The following GPR179 variants were observed in gnomAD, a reference collection of about 807,000 sequenced individuals.
GPR179 encodes probable G protein-coupled receptor 179.
GPR179 carries 52 observed loss-of-function variants against 70.8 expected under a neutral mutation model. The observed-to-expected ratio is 0.73, with a 90% CI of 0.59 to 0.93. The LOEUF (loss-of-function observed/expected upper bound fraction) is 0.93. GPR179 is among the 40% of genes least tolerant of loss of function. The probability of loss-of-function intolerance (pLI) is 0.00; values close to 1 mark genes in which losing one functional copy is unlikely to be tolerated. For synonymous variants in GPR179, 1,123 were observed against 1,169.0 expected (o/e 0.96, Z 0.80); for missense variants, 2,734 against 2,966.8 (o/e 0.92, Z 1.82).
Position 38,327,676 on chromosome 17 carries a change from G to A in GPR179, c.5893C>T (p.Pro1965Ser). 2 of 1,614,194 alleles carry A rather than the reference G, an allele frequency of 1.2e-6. No individual in the cohort carries two copies. The highest frequency in any genetic ancestry group is 1.7e-6 in the Non-Finnish European group (2 of 1,180,028). The change falls in exon 11 of 11, where the codon CCA becomes TCA. Residue 1965 changes from proline (P) to serine (S), a missense_variant. By Grantham distance (74) the Pro-to-Ser change is moderately conservative. Coordinates refer to ENST00000616987, the MANE Select transcript of GPR179 (RefSeq NM_001004334.4). Reference sequence around the variant, plus strand: ...TCTAGGTGAGAGACGGAATCTGCTGGGGCAGTGGTCTCCCATGGACAGACG... The same window carrying A: ...TCTAGGTGAGAGACGGAATCTGCTGAGGCAGTGGTCTCCCATGGACAGACG... The part of the protein sequence containing the change: ...QSVCPWETTA[P>S]ADSVSHLDRQ...
chr17:38,342,846 G>GTTT, intron 1 of GPR179, 150 bp downstream of exon 1: 1 of 736,906 alleles, frequency 1.4e-6, no homozygotes, highest in East Asian at 2.5e-5. Context: ...CCGACTGTAA[G>GTTT]TACACACAGC....
Position 38,342,503 on chromosome 17 carries a change from C to A in GPR179, c.794+493G>T, listed in dbSNP as rs540963612. 1.4e-4 allele frequency among the ~76,000 whole-genome samples: 21 copies of A among 152,230 alleles called. No individual in the cohort carries two copies. The South Asian group carries it at 2.5e-3, about 18-fold the overall frequency. ...TACAGGTACTCGCTACCACACCCAG[C>A]TAATTTTGTATTTTTAGTAGAGATG... On this transcript the variant is annotated intron_variant, in intron 1 of 10. Coordinates refer to ENST00000616987, the MANE Select transcript of GPR179 (RefSeq NM_001004334.4).
At position 38,337,224 on chromosome 17, in the gene GPR179, C is replaced by A. The variant is rs1389628044; in HGVS notation, c.992-11G>T. On this transcript the variant is annotated splice_polypyrimidine_tract_variant and intron_variant, in intron 3 of 10. Transcript: ENST00000616987. ...CACTCTCCTCTAACCCTATAAAGAA[C>A]AAGATGAGTGCAGGGAGAGGGGCCC... 6.2e-7 allele frequency: 1 copy of A among 1,601,586 alleles called. No homozygotes were observed. The highest frequency in any genetic ancestry group is 8.5e-7 in the Non-Finnish European group (1 of 1,174,198).
rs6503540 is a variant in GPR179, at chr17:38,339,213, T to G, written c.903+204A>C. On this transcript the variant is annotated intron_variant, in intron 2 of 10. Coordinates refer to ENST00000616987, the MANE Select transcript of GPR179 (RefSeq NM_001004334.4). ...GGAATGAGGGCAGGAGCAGGAGGAA[T>G]AGGGGGTGGGGGGGCAGGCTGTAGG... 185,117 of 519,984 alleles carry G rather than the reference T, an allele frequency of 0.36. 36,044 individuals carry two copies. Among genetic ancestry groups the G allele is most frequent in the East Asian group, 0.61 (18,183 of 30,038 alleles). The allele number at this position is 519,984 out of a possible 1,614,324, so 32.2% of individuals were successfully genotyped here.
intron 2 of GPR179, among the ~76,000 whole-genome samples, chr17:38,338,129 A>C (rs140827780): frequency 6.6e-6 from 1 of 152,318 alleles, no homozygotes; most frequent in African/African-American, 2.4e-5. Context: ...ATCAGCTTCC[A>C]TCTTTGGCAC....
Position 38,330,660 on chromosome 17 carries a change from G to T in GPR179, c.2909C>A (p.Pro970Gln). 2 of 1,597,998 alleles carry T rather than the reference G, an allele frequency of 1.3e-6. No homozygotes were observed. Among genetic ancestry groups the T allele is most frequent in the Non-Finnish European group, 1.7e-6 (2 of 1,170,980 alleles). Residue 970 changes from proline to glutamine, a missense_variant, in exon 11 of 11, where the codon CCA (proline) becomes CAA (glutamine). Coordinates refer to ENST00000616987, the MANE Select transcript of GPR179 (RefSeq NM_001004334.4). ...LAPALLPALAPTPAPALAPVP... is the reference protein window; with the variant it reads ...LAPALLPALAQTPAPALAPVP... ...TGGTGCCAGGGCAGGGGCTGGGGTT[G>T]GAGCTAGAGCTGGCAGCAGAGCTGG...
At chr17:38,332,490 G>A (rs752912647) in intron 10 of GPR179, among the ~76,000 whole-genome samples, 1 of 152,126 alleles carries the variant, frequency 6.6e-6, no homozygotes, top group Non-Finnish European at 1.5e-5. Flanking sequence ...GACCTGCCAG[G>A]TCCAGGGAAA....
At position 38,330,339 on chromosome 17, in the gene GPR179, G is replaced by A. The variant is rs766356769; in HGVS notation, c.3230C>T (p.Ala1077Val). 5.6e-6 allele frequency: 9 copies of A among 1,613,906 alleles called. No homozygotes were observed. The African/African-American group carries it at 9.3e-5, about 17-fold the overall frequency. ...KIFPKSHSLK[A>V]PVQQGSMRSL... is the part of the protein sequence containing the mutation. Reference sequence around the variant, plus strand: ...GCGCATGGAACCCTGCTGAACAGGGGCCTTGAGGCTGTGGGATTTAGGGAA... The same window carrying A: ...GCGCATGGAACCCTGCTGAACAGGGACCTTGAGGCTGTGGGATTTAGGGAA... Residue 1077 changes from alanine to valine, a missense_variant, in exon 11 of 11, where the codon GCC becomes GTC. Coordinates refer to ENST00000616987, the MANE Select transcript of GPR179 (RefSeq NM_001004334.4).
In GPR179 at chr17:38,334,110, C is replaced by T. The variant is rs779459722; in HGVS notation, c.1785-72G>A. ...CTCTTCTGCTTTGCCTTCTCACTGG[C>T]GTTTCACCTCAGCCCCAACCCTGAT... On this transcript the variant is annotated intron_variant, in intron 8 of 10. Coordinates refer to ENST00000616987, the MANE Select transcript of GPR179 (RefSeq NM_001004334.4). The surrounding 1 kb of genome is among the most constrained non-coding windows in gnomAD (Gnocchi z 4.7). 26 of 1,053,418 alleles carry T rather than the reference C, an allele frequency of 2.5e-5. No individual in the cohort carries two copies. Among genetic ancestry groups the T allele is most frequent in the South Asian group, 7.6e-5 (6 of 78,992 alleles). 65.3% of individuals were successfully genotyped at this position (1,053,418 alleles called of 1,614,324 possible). A position where few individuals can be genotyped will look rare whatever the true frequency, so the allele number is the denominator to read the frequency against.
chr17:38,337,065 C>T lies in GPR179; in HGVS notation c.1140G>A (p.Leu380=), dbSNP rs201053760. ...TPCLVEEAAV[L]RAAVLACQAC... ...CCTGGCAGGCCAGCACAGCGGCCCG[C>T]AGCACCGCGGCCTCTTCCACCAGGC... Residue 380 remains leucine, a synonymous_variant, in exon 4 of 11, where the codon CTG becomes CTA. Transcript: ENST00000616987. The T allele has an allele frequency of 1.9e-4, 307 of 1,608,712 alleles. 1 individual carries two copies. Among genetic ancestry groups the T allele is most frequent in the Middle Eastern group, 1.2e-3 (7 of 5,994 alleles).
chr17:38,342,422 C>T (rs1456333901), intron 1 of GPR179, among the ~76,000 whole-genome samples: 1 of 151,948 alleles, frequency 6.6e-6, no homozygotes, highest in Non-Finnish European at 1.5e-5. Context: ...CAACGTCTGC[C>T]TCTGGGGTTC....
In GPR179 at chr17:38,327,324, C is replaced by G; in HGVS notation, c.6245G>C (p.Gly2082Ala). 1 of 1,614,202 alleles carries G rather than the reference C, an allele frequency of 6.2e-7. No homozygotes were observed. Among genetic ancestry groups the G allele is most frequent in the Non-Finnish European group, 8.5e-7 (1 of 1,180,030 alleles). Residue 2082 changes from glycine (G) to alanine (A), a missense_variant, in exon 11 of 11, where the codon GGC becomes GCC. By Grantham distance (60) the Gly-to-Ala change is moderately conservative. Transcript: ENST00000616987. The stretch of plus-strand genomic sequence containing the variant: ...GGCTGGCTGTGGGGACAGACCCTTG[C>G]CATCTTGACTCTCCCAGGGACACAC... Reference protein sequence around the residue: ...EAVCPWESQDGKGLSPQPAPD... With the variant: ...EAVCPWESQDAKGLSPQPAPD...
Position 38,330,179 on chromosome 17 carries a change from G to C in GPR179, c.3390C>G (p.Pro1130=), listed in dbSNP as rs1370940641. 6.4e-7 allele frequency: 1 copy of C among 1,571,142 alleles called. No individual in the cohort carries two copies. The change falls in exon 11 of 11, where the codon CCC becomes CCG. Residue 1130 remains proline, a synonymous_variant. Coordinates refer to ENST00000616987, the MANE Select transcript of GPR179 (RefSeq NM_001004334.4). The stretch of plus-strand genomic sequence containing the variant: ...TCACCGCCTTGGGCCGGCCTAGCCT[G>C]GGCGATCGGGAGGGTGCCCCCATAC... The part of the protein sequence containing the change: ...GESMGAPSRS[P]RLGRPKAVSK...
chr17:38,337,324 G>A (rs2037414487), intron 3 of GPR179, 111 bp from the exon 4 acceptor site: 1 of 1,385,936 alleles, frequency 7.2e-7, no homozygotes, highest in East Asian at 2.5e-5. Flanking sequence ...CTGTGATCTG[G>A]GGCTCCAGGG....
At chr17:38,337,567 C>G (rs2037416111) in intron 3 of GPR179, 66 bp downstream of exon 3, 5 of 1,392,684 alleles carry the variant, frequency 3.6e-6, no homozygotes, top group Non-Finnish European at 5.0e-6. Context: ...CTTTCTTCCC[C>G]AGATGTACCC....
Position 38,334,639 on chromosome 17 carries a change from A to T in GPR179, c.1784+65T>A. ...GGATGGCATGGGATGGGGGCACCTC[A>T]CCTGGGAGAGGTGAGGAGTACTGTT... On this transcript the variant is annotated intron_variant, in intron 8 of 10. Transcript: ENST00000616987. The surrounding 1 kb of genome is among the most constrained non-coding windows in gnomAD (Gnocchi z 4.7). The T allele has an allele frequency of 6.3e-7, 1 of 1,577,200 alleles. No homozygotes were observed.
At chr17:38,340,928 CACAA>C (rs138912325) in intron 1 of GPR179, among the ~76,000 whole-genome samples, 5,024 of 152,190 alleles carry the variant, frequency 0.033, 245 homozygotes, top group African/African-American at 0.11. Flanking sequence ...AAAACAAACA[CACAA>C]ACAAACAAAC....
In GPR179 at chr17:38,336,989, G is replaced by T; in HGVS notation, c.1216C>A (p.Arg406Ser). The part of the protein sequence containing the change: ...FLSMLVSYRC[R>S]RNKRIWASGV... ...GGGGCCTTCCTTGCCTTGTTCCGGC[G>T]GCAGCGGTAGGAGACCAGCATGCTC... The change falls in exon 4 of 11, where the codon CGC becomes AGC. Residue 406 changes from arginine (R) to serine (S), a missense_variant. Coordinates refer to ENST00000616987, the MANE Select transcript of GPR179 (RefSeq NM_001004334.4). The T allele has an allele frequency of 6.3e-7, 1 of 1,597,784 alleles. No homozygotes were observed. Among genetic ancestry groups the T allele is most frequent in the Admixed American group, 1.7e-5 (1 of 57,638 alleles).
chr17:38,332,970 G>A (rs965990597), intron 10 of GPR179, among the ~76,000 whole-genome samples: 2 of 152,234 alleles, frequency 1.3e-5, no homozygotes, highest in Non-Finnish European at 2.9e-5. Context: ...TGGAGGATGC[G>A]AAGGAGTAGG....
Sources: allele counts gnomAD v4.1 joint callset (sites outside exome capture counted in the v4.1 genomes callset), GRCh38; gene constraint gnomAD v4.1.1; non-coding constraint Gnocchi (gnomAD v3.1); transcripts MANE v1.5; gene names NCBI Gene and HGNC (gene_info 2026-07-23, HGNC 2026-07-21).